Variants in ZBTB7C observed in about 807,000 individuals in gnomAD.
The protein encoded by ZBTB7C is zinc finger and BTB domain-containing protein 7C.
ZBTB7C carries 8 observed loss-of-function variants against 25.7 expected under a neutral mutation model. The ratio of observed to expected loss-of-function variants is 0.31; its 90% CI spans 0.18 to 0.56. ZBTB7C has a LOEUF of 0.56. Ranked by LOEUF, ZBTB7C falls within the 20% of genes least tolerant of loss-of-function variation. The pLI is 0.91. For missense variants in ZBTB7C, 824 were observed against 855.2 expected, an observed-to-expected ratio of 0.96 and a Z score of 0.46; for synonymous variants, 394 against 369.0, an observed-to-expected ratio of 1.07 and a Z score of -0.78.
chr18:48,087,483 C>A (rs2144525158), intron 3 of ZBTB7C, among the ~76,000 whole-genome samples: 1 of 152,252 alleles, frequency 6.6e-6, no homozygotes, highest in African/African-American at 2.4e-5. Context: ...CTGGCAGAGG[C>A]CAAAGGAGGC....
intron 3 of ZBTB7C, among the ~76,000 whole-genome samples, chr18:48,122,934 A>C (rs2039679395): frequency 6.6e-6 from 1 of 152,160 alleles, no homozygotes; most frequent in Non-Finnish European, 1.5e-5. Flanking sequence ...CACACACAAG[A>C]AAGTTGAAAT....
intron 2 of ZBTB7C, among the ~76,000 whole-genome samples, chr18:48,203,967 C>A: frequency 6.6e-6 from 1 of 152,190 alleles, no homozygotes; most frequent in East Asian, 1.9e-4. Flanking sequence ...GTTAAGCCAT[C>A]CTTGACCATT....
chr18:48,270,321 G>C (rs546755632), intron 2 of ZBTB7C, among the ~76,000 whole-genome samples: 1 of 141,038 alleles, frequency 7.1e-6, no homozygotes, highest in Non-Finnish European at 1.5e-5. Flanking sequence ...GCAGTGGTGC[G>C]ATCTCAGCTC....
chr18:48,080,316 C>T (rs1010494269), intron 3 of ZBTB7C, among the ~76,000 whole-genome samples: 1 of 152,158 alleles, frequency 6.6e-6, no homozygotes, highest in African/African-American at 2.4e-5. Context: ...ATCCAAGTTG[C>T]CCACAAGCGA....
At chr18:48,193,046 G>C (rs1459070828) in intron 2 of ZBTB7C, among the ~76,000 whole-genome samples, 1 of 152,172 alleles carries the variant, frequency 6.6e-6, no homozygotes, top group Non-Finnish European at 1.5e-5. Context: ...TGGACTCCCA[G>C]GCCCCACGCT....
intron 3 of ZBTB7C, among the ~76,000 whole-genome samples, chr18:48,153,105 C>G (rs537207623): frequency 6.6e-6 from 1 of 152,240 alleles, no homozygotes; most frequent in Non-Finnish European, 1.5e-5. Context: ...CACAAAAGGG[C>G]TGGACTCTGA....
At chr18:48,198,573 C>G (rs946059424) in intron 2 of ZBTB7C, among the ~76,000 whole-genome samples, 1 of 152,150 alleles carries the variant, frequency 6.6e-6, no homozygotes, top group Non-Finnish European at 1.5e-5. Context: ...TCAGAGTTCC[C>G]TTCCTTCATC....
chr18:48,236,277 T>C (rs2043375687), intron 2 of ZBTB7C, among the ~76,000 whole-genome samples: 1 of 152,234 alleles, frequency 6.6e-6, no homozygotes, highest in Non-Finnish European at 1.5e-5. Flanking sequence ...TCAATCTAAG[T>C]TAACCCACAC....
intron 1 of ZBTB7C, among the ~76,000 whole-genome samples, chr18:48,395,694 A>C (rs2048016049): frequency 6.6e-6 from 1 of 152,190 alleles, no homozygotes; most frequent in South Asian, 2.1e-4. Context: ...GAGTCCCCAT[A>C]CAAAAATGTG....
intron 2 of ZBTB7C, among the ~76,000 whole-genome samples, chr18:48,307,589 C>T (rs1014133121): frequency 1.3e-5 from 2 of 152,196 alleles, no homozygotes; most frequent in Non-Finnish European, 2.9e-5. Flanking sequence ...GTGGCTCACC[C>T]CTGTAATTCC....
intron 1 of ZBTB7C, among the ~76,000 whole-genome samples, chr18:48,354,128 C>T (rs1052467392): frequency 9.9e-5 from 15 of 152,176 alleles, no homozygotes; most frequent in Non-Finnish European, 1.6e-4. Flanking sequence ...TTCACATCTG[C>T]ACACAAAACT....
Position 48,040,368 on chromosome 18 carries a change from G to A in ZBTB7C, c.740C>T (p.Ser247Phe). ...PKANIPDRRP[S>F]LSPFAPDFFP... ...GAAGTCCGGGGCGAATGGAGACAAG[G>A]AGGGTCTCCTGTCGGGGATGTTGGC... is the stretch of plus-strand genomic sequence containing the variant. The change falls in exon 4 of 5, where the codon TCC becomes TTC. Residue 247 changes from serine (S) to phenylalanine (F), a missense_variant. Ser to Phe is a radical substitution (Grantham distance 155). Around this residue, in one of 4 missense-constraint regions of ZBTB7C, gnomAD observed 316 missense variants for 299.2 expected, o/e 1.06. Transcript: ENST00000590800. 2 of 1,611,552 alleles carry A rather than the reference G, an allele frequency of 1.2e-6. No individual in the cohort carries two copies. Among genetic ancestry groups the A allele is most frequent in the Non-Finnish European group, 1.7e-6 (2 of 1,178,752 alleles).
At chr18:48,294,581 C>G (rs1201792640) in intron 2 of ZBTB7C, among the ~76,000 whole-genome samples, 1 of 152,032 alleles carries the variant, frequency 6.6e-6, no homozygotes, top group Non-Finnish European at 1.5e-5. Context: ...GGCTCTCTAG[C>G]AGCTGAGATG....
chr18:48,044,278 G>C (rs1475177708), intron 3 of ZBTB7C, among the ~76,000 whole-genome samples: 1 of 152,216 alleles, frequency 6.6e-6, no homozygotes, highest in Non-Finnish European at 1.5e-5. Flanking sequence ...TCCCCAGGCT[G>C]AGGCTTCAAT....
chr18:48,320,782 G>A (rs781181573), intron 2 of ZBTB7C, among the ~76,000 whole-genome samples: 43 of 152,164 alleles, frequency 2.8e-4, no homozygotes, highest in Non-Finnish European at 5.4e-4. Flanking sequence ...CTCAGACCCC[G>A]GCTCAGGCGG....
chr18:48,087,156 C>T (rs992047024), intron 3 of ZBTB7C, among the ~76,000 whole-genome samples: 1 of 152,150 alleles, frequency 6.6e-6, no homozygotes, highest in Non-Finnish European at 1.5e-5. Flanking sequence ...CCTTGGTTGC[C>T]TGCTATTGAG....
At chr18:48,187,049 G>A (rs1249163979) in intron 2 of ZBTB7C, among the ~76,000 whole-genome samples, 2 of 152,208 alleles carry the variant, frequency 1.3e-5, no homozygotes, top group Non-Finnish European at 2.9e-5. Flanking sequence ...GGCCAGCTTT[G>A]ATCTGTGTCC....
rs1400231299 is a variant in ZBTB7C at position 48,026,976 on chromosome 18, A to G, written c.*2284T>C. 1 of 152,074 alleles carries G rather than the reference A, an allele frequency of 6.6e-6. No individual in the cohort carries two copies. Among genetic ancestry groups the G allele is most frequent in the East Asian group, 1.9e-4 (1 of 5,200 alleles). The allele number at this position is 152,074 out of a possible 1,614,324, so 9.4% of individuals were successfully genotyped here. On this transcript the variant is annotated 3_prime_UTR_variant, in exon 5 of 5. Coordinates refer to ENST00000590800, the MANE Select transcript of ZBTB7C (RefSeq NM_001318841.2). ...TGTGGCGTGCGACCGAAGTTATGGA[A>G]GATTGTCCCTTGAATCACTAAGGCA...
At chr18:48,328,891 G>C (rs1019500829) in intron 2 of ZBTB7C, among the ~76,000 whole-genome samples, 1 of 152,164 alleles carries the variant, frequency 6.6e-6, no homozygotes, top group Non-Finnish European at 1.5e-5. Context: ...CTAAAAGTCA[G>C]CCATTGACTG....
Sources: gnomAD v4.1 joint callset for allele counts (sites outside exome capture counted in the v4.1 genomes callset) on GRCh38, gnomAD v4.1.1 for gene constraint, gnomAD v4.1.1 regional missense constraint, MANE v1.5 for transcripts, NCBI Gene and HGNC (gene_info 2026-07-23, HGNC 2026-07-21) for gene names.